UBN2: variants seen among roughly 807,000 people sequenced by gnomAD.
The protein encoded by UBN2 is ubinuclein-2.
A neutral mutation model predicts 120.2 loss-of-function variants in UBN2; 35 were observed. The observed-to-expected ratio is 0.29, with a 90% CI of 0.22 to 0.39. The LOEUF (loss-of-function observed/expected upper bound fraction) is 0.39. UBN2 is among the 10% of genes least tolerant of loss of function. The pLI, the probability that UBN2 is intolerant of heterozygous loss-of-function variation, is 1.00. For missense variants in UBN2, 1,693 were observed against 1,663.2 expected, an observed-to-expected ratio of 1.02 and a Z score of -0.31; for synonymous variants, 661 against 648.7, an observed-to-expected ratio of 1.02 and a Z score of -0.29.
rs1433215344 is a variant in UBN2 at position 139,272,536 on chromosome 7, A to ATGTATGTG, written c.1715+101_1715+102insGTGTGTAT. Reference sequence around the variant, plus strand: ...TATGTATGTATGTATGTATGTATGTATGTATTTTGAGACGGAATCTCAGTC... The same window carrying ATGTATGTG: ...TATGTATGTATGTATGTATGTATGTATGTATGTGTGTATTTTGAGACGGAATCTCAGTC... On this transcript the variant is annotated intron_variant, in intron 9 of 17. Coordinates refer to ENST00000473989, the MANE Select transcript of UBN2 (RefSeq NM_173569.4). The ATGTATGTG allele has an allele frequency of 1.9e-5, 16 of 855,410 alleles. No homozygotes were observed. In the South Asian group the frequency reaches 2.5e-4, roughly 13 times the overall value. 53.0% of individuals were successfully genotyped at this position (855,410 alleles called of 1,614,324 possible). A position where few individuals can be genotyped will look rare whatever the true frequency, so the allele number is the denominator to read the frequency against.
the UBN2 span, among the ~76,000 whole-genome samples, chr7:139,318,599 G>C: frequency 6.6e-6 from 1 of 152,034 alleles, no homozygotes; most frequent in Non-Finnish European, 1.5e-5. Context: ...TGTCTCAAGT[G>C]ATCCTCCCAC....
rs372711368 is a variant in UBN2 at position 139,283,637 on chromosome 7, C to T, written c.2732C>T (p.Ala911Val). The T allele has an allele frequency of 6.2e-7, 1 of 1,614,190 alleles. No homozygotes were observed. ...SQAQIAASSH[A>V]LGTSEAQDAS... Reference sequence around the variant, plus strand: ...GCCCAAATTGCTGCCTCTTCTCATGCTCTGGGAACATCCGAGGCCCAAGAT... The same window carrying T: ...GCCCAAATTGCTGCCTCTTCTCATGTTCTGGGAACATCCGAGGCCCAAGAT... The change falls in exon 15 of 18, where the codon GCT (alanine) becomes GTT (valine). Residue 911 changes from alanine (A) to valine (V), a missense_variant. Around this residue, in one of 5 missense-constraint regions of UBN2, gnomAD observed 837 missense variants for 817.6 expected, o/e 1.02. Coordinates refer to ENST00000473989, the MANE Select transcript of UBN2 (RefSeq NM_173569.4).
Position 139,281,125 on chromosome 7 carries a change from CAT to C in UBN2, c.2068-877_2068-876del, listed in dbSNP as rs558179919. Among the ~76,000 whole-genome samples, 666 of 152,280 alleles carry C rather than the reference CAT, an allele frequency of 4.4e-3. 11 individuals carry two copies. The highest frequency in any genetic ancestry group is 3.1e-3 in the Non-Finnish European group (211 of 68,008). On this transcript the variant is annotated intron_variant, in intron 13 of 17. Coordinates refer to ENST00000473989, the MANE Select transcript of UBN2 (RefSeq NM_173569.4). ...TTACATTTTGATACATCTATTCAAACATATGATTAATAGAATAATAGGATAGG... is the reference window on the plus strand; with the variant it reads ...TTACATTTTGATACATCTATTCAAACATGATTAATAGAATAATAGGATAGG...
rs888951883 is a variant in UBN2, at chr7:139,298,476, T to TA, written c.*641dup. On this transcript the variant is annotated 3_prime_UTR_variant, in exon 18 of 18. Coordinates refer to ENST00000473989, the MANE Select transcript of UBN2 (RefSeq NM_173569.4). Reference sequence around the variant, plus strand: ...GGAAAGTTATTTTAGCACAGTGATATATATTATTAAATCATCTAGATTTTT... The same window carrying TA: ...GGAAAGTTATTTTAGCACAGTGATATAATATTATTAAATCATCTAGATTTTT... 2 of 152,184 alleles carry TA rather than the reference T, an allele frequency of 1.3e-5. No individual in the cohort carries two copies. Among genetic ancestry groups the TA allele is most frequent in the African/African-American group, 4.8e-5 (2 of 41,430 alleles). 9.4% of individuals were successfully genotyped at this position (152,184 alleles called of 1,614,324 possible).
chr7:139,284,173 A>T lies in UBN2; in HGVS notation c.3268A>T (p.Ser1090Cys). Residue 1090 changes from serine to cysteine, a missense_variant, in exon 15 of 18, where the codon AGT becomes TGT. Ser to Cys is a moderately radical substitution (Grantham distance 112). This residue lies in a region of UBN2 where 837 missense variants were observed against 817.6 expected (regional missense o/e 1.02). Transcript: ENST00000473989. Reference sequence around the variant, plus strand: ...AACTCCCAAGCCTACTGTATCCCCAAGTAGTTCCAGTCCAAATGCACTAGT... The same window carrying T: ...AACTCCCAAGCCTACTGTATCCCCATGTAGTTCCAGTCCAAATGCACTAGT... ...NPTPKPTVSP[S>C]SSSPNALVAQ... The T allele has an allele frequency of 6.2e-7, 1 of 1,614,178 alleles. No individual in the cohort carries two copies. The highest frequency in any genetic ancestry group is 1.1e-5 in the South Asian group (1 of 91,086).
chr7:139,295,147 A>G lies in UBN2; in HGVS notation c.3994+1166A>G, dbSNP rs148246254. On this transcript the variant is annotated intron_variant, in intron 17 of 17. Transcript: ENST00000473989. Reference sequence around the variant, plus strand: ...TGACCTTTGAACCAGTTTACCATTAACCACAGTGCAGAGATGGGAACTGAG... The same window carrying G: ...TGACCTTTGAACCAGTTTACCATTAGCCACAGTGCAGAGATGGGAACTGAG... 4.7e-3 allele frequency among the ~76,000 whole-genome samples: 713 copies of G among 151,802 alleles called. 3 individuals carry two copies. The highest frequency in any genetic ancestry group is 8.7e-3 in the Non-Finnish European group (593 of 67,930).
chr7:139,255,033 C>A (rs1041434787), intron 3 of UBN2, among the ~76,000 whole-genome samples: 1 of 152,128 alleles, frequency 6.6e-6, no homozygotes, highest in African/African-American at 2.4e-5. Context: ...AATAATGACA[C>A]GTATCTACCA....
rs1353640708 is a variant in UBN2 at position 139,243,507 on chromosome 7, T to G, written c.561+6410T>G. Among the ~76,000 whole-genome samples the G allele has an allele frequency of 3.9e-5, 6 of 152,194 alleles. No homozygotes were observed. The East Asian group carries it at 1.2e-3, about 29-fold the overall frequency. ...ATCCTTTGCCAATGTAACTTGAGTT[T>G]CTTTAGGTTAAATTTTAATATTTGT... On this transcript the variant is annotated intron_variant, in intron 2 of 17. Coordinates refer to ENST00000473989, the MANE Select transcript of UBN2 (RefSeq NM_173569.4).
intron 2 of UBN2, among the ~76,000 whole-genome samples, chr7:139,240,038 G>A (rs948776189): frequency 9.9e-5 from 15 of 152,134 alleles, no homozygotes; most frequent in Admixed American, 3.3e-4. Context: ...AAAGATCAGC[G>A]TTCTGAAGAA....
In UBN2 at chr7:139,296,511, G is replaced by A. The variant is rs138764438; in HGVS notation, c.3995-1276G>A. On this transcript the variant is annotated intron_variant, in intron 17 of 17. Coordinates refer to ENST00000473989, the MANE Select transcript of UBN2 (RefSeq NM_173569.4). ...TTCCTTCTCCTGTCCTTTGCTGTCA[G>A]GCATGGGTTGTCTTTGAGGCCTCAT... is the stretch of plus-strand genomic sequence containing the variant. Among the ~76,000 whole-genome samples, 3 of 152,236 alleles carry A rather than the reference G, an allele frequency of 2.0e-5. No homozygotes were observed. In the East Asian group the frequency reaches 5.8e-4, roughly 29 times the overall value.
Position 139,241,984 on chromosome 7 carries a change from C to T in UBN2, c.561+4887C>T, listed in dbSNP as rs562409115. On this transcript the variant is annotated intron_variant, in intron 2 of 17. Transcript: ENST00000473989. ...TTGTACTCCAGCCTGGCGACAAGAG[C>T]GAGAATCCAGCTCCCCCCCCCAAAA... Among the ~76,000 whole-genome samples, 15 of 152,030 alleles carry T rather than the reference C, an allele frequency of 9.9e-5. No homozygotes were observed. The East Asian group carries it at 1.4e-3, about 14-fold the overall frequency.
intron 12 of UBN2, chr7:139,276,357 G>T: frequency 1.9e-6 from 1 of 530,982 alleles, no homozygotes; most frequent in Non-Finnish European, 3.4e-6. Flanking sequence ...GACACATAAT[G>T]GCCTGGGATT....
At chr7:139,315,068 C>T in the UBN2 span, among the ~76,000 whole-genome samples, 1 of 151,882 alleles carries the variant, frequency 6.6e-6, no homozygotes, top group African/African-American at 2.4e-5. Flanking sequence ...CTCCGCCTCC[C>T]GGGTTCACGC....
intron 1 of UBN2, 53 bp downstream of exon 1, chr7:139,232,005 C>A: frequency 6.5e-7 from 1 of 1,542,380 alleles, no homozygotes; most frequent in Non-Finnish European, 8.7e-7. Context: ...CAGGACCCGC[C>A]GCCTTCCCCA....
the UBN2 span, among the ~76,000 whole-genome samples, chr7:139,315,125 A>G: frequency 6.6e-5 from 10 of 151,898 alleles, no homozygotes; most frequent in East Asian, 1.9e-3. Context: ...ACAGTTGCCC[A>G]CCACCACGCC....
In UBN2 at chr7:139,283,454, C is replaced by T. The variant is rs375624611; in HGVS notation, c.2549C>T (p.Thr850Ile). The change falls in exon 15 of 18, where the codon ACT becomes ATT. Residue 850 changes from threonine (T) to isoleucine (I), a missense_variant. Thr to Ile is a moderately conservative substitution (Grantham distance 89, BLOSUM62 -1). This residue lies in a region of UBN2 where 837 missense variants were observed against 817.6 expected (regional missense o/e 1.02). Coordinates refer to ENST00000473989, the MANE Select transcript of UBN2 (RefSeq NM_173569.4). ...AAGAAACCCCAGGATTTAGCTCATA[C>T]TGGCATCTCTTCAGGCCTTATTGCT... ...VPKKPQDLAH[T>I]GISSGLIAGS... is the part of the protein sequence containing the mutation. 6 of 1,614,162 alleles carry T rather than the reference C, an allele frequency of 3.7e-6. No homozygotes were observed. Among genetic ancestry groups the T allele is most frequent in the Non-Finnish European group, 5.1e-6 (6 of 1,180,038 alleles).
intron 1 of UBN2, among the ~76,000 whole-genome samples, chr7:139,233,855 G>A (rs1306761909): frequency 6.6e-6 from 1 of 151,626 alleles, no homozygotes; most frequent in Non-Finnish European, 1.5e-5. Context: ...TCATGCAATA[G>A]GAGAAAGAGG....
intron 11 of UBN2, among the ~76,000 whole-genome samples, chr7:139,274,773 AAAAG>A (rs1281345936): frequency 6.6e-5 from 10 of 151,514 alleles, no homozygotes; most frequent in Middle Eastern, 3.2e-3. Flanking sequence ...AAAAAAAAAA[AAAAG>A]AAAAAGAAAA....
chr7:139,273,907 A>C (rs751052571), intron 10 of UBN2, 24 bp from the exon 11 acceptor site: 1 of 1,556,028 alleles, frequency 6.4e-7, no homozygotes, highest in Non-Finnish European at 8.6e-7. Context: ...AAAAAGTTTC[A>C]AATTTAATTT....
Sources: gnomAD v4.1 joint callset for allele counts (sites outside exome capture counted in the v4.1 genomes callset) on GRCh38, gnomAD v4.1.1 for gene constraint, gnomAD v4.1.1 regional missense constraint, MANE v1.5 for transcripts, NCBI Gene and HGNC (gene_info 2026-07-23, HGNC 2026-07-21) for gene names.